The following XKR6 variants were observed in gnomAD, a reference collection of about 807,000 sequenced individuals.
XKR6 encodes XK-related protein 6.
Under a neutral mutation model 56.7 loss-of-function variants are expected in XKR6, and 22 were observed. That is an observed-to-expected ratio of 0.39 (90% CI 0.28 to 0.55). The LOEUF (loss-of-function observed/expected upper bound fraction) is 0.55. Among genes scored for constraint, XKR6 ranks in the 20% least tolerant of loss-of-function variants. The pLI is 0.66. For synonymous variants in XKR6, 524 were observed against 387.8 expected (o/e 1.35, Z -4.13); for missense variants, 852 against 889.0 (o/e 0.96, Z 0.53).
intron 1 of XKR6, among the ~76,000 whole-genome samples, chr8:11,016,184 C>G (rs913372878): frequency 1.3e-5 from 2 of 152,200 alleles, no homozygotes; most frequent in Non-Finnish European, 2.9e-5. Context: ...AGAGGGCGGC[C>G]AGCTGGACTA....
At position 10,898,187 on chromosome 8, in the gene XKR6, T is replaced by C; in HGVS notation, c.1691A>G (p.Gln564Arg). Reference protein sequence around the residue: ...LTADTCLPVFQVRPMGPPTPL... With the variant: ...LTADTCLPVFRVRPMGPPTPL... ...GGTAGGGGGCCCCATGGGTCTCACT[T>C]GGAAAACAGGCAAGCAAGTGTCAGC... The change falls in exon 3 of 3, where the codon CAA becomes CGA. Residue 564 changes from glutamine (Q) to arginine (R), a missense_variant. Gln to Arg is a conservative substitution (Grantham distance 43). This residue lies in a region of XKR6 where 197 missense variants were observed against 190.9 expected (regional missense o/e 1.03). Transcript: ENST00000416569. The surrounding 1 kb of genome is among the most constrained non-coding windows in gnomAD (Gnocchi z 6.6). 2 of 1,614,102 alleles carry C rather than the reference T, an allele frequency of 1.2e-6. No homozygotes were observed. Among genetic ancestry groups the C allele is most frequent in the Non-Finnish European group, 8.5e-7 (1 of 1,180,016 alleles).
chr8:11,165,272 G>GT (rs1802014767), intron 1 of XKR6, among the ~76,000 whole-genome samples: 2 of 151,718 alleles, frequency 1.3e-5, no homozygotes, highest in South Asian at 4.2e-4. Flanking sequence ...GCTAATTTTT[G>GT]TATTTTTAAT....
chr8:10,916,651 G>C (rs1001232921), intron 2 of XKR6, among the ~76,000 whole-genome samples: 4 of 152,172 alleles, frequency 2.6e-5, no homozygotes, highest in African/African-American at 9.6e-5. Flanking sequence ...AGGGATACTT[G>C]GCCAGGGAGA....
At chr8:10,900,156 C>T (rs1446885044) in intron 2 of XKR6, among the ~76,000 whole-genome samples, 2 of 152,040 alleles carry the variant, frequency 1.3e-5, no homozygotes, top group Non-Finnish European at 2.9e-5. Context: ...AAAGCTTTAC[C>T]CTCCCACGGA....
At position 11,201,227 on chromosome 8, in the gene XKR6, C is replaced by T. The variant is rs542248308; in HGVS notation, c.113G>A (p.Gly38Asp). The T allele has an allele frequency of 2.7e-5, 42 of 1,545,248 alleles. No homozygotes were observed. In the African/African-American group the frequency reaches 5.2e-4, roughly 19 times the overall value. Residue 38 changes from glycine to aspartate, a missense_variant, in exon 1 of 3, where the codon GGC (glycine) becomes GAC (aspartate). Around this residue, in one of 4 missense-constraint regions of XKR6, gnomAD observed 417 missense variants for 355.2 expected, o/e 1.17. Coordinates refer to ENST00000416569, the MANE Select transcript of XKR6 (RefSeq NM_173683.4). ...GCTGCCGTCGCCGCCGCCGCCGCAG[C>T]CGCCTCCCCCGGGCTCCCCGTCCTC... ...GEEDGEPGGG[G>D]CGGGGDGSEP...
intron 1 of XKR6, among the ~76,000 whole-genome samples, chr8:10,969,960 C>A (rs1802354023): frequency 6.6e-6 from 1 of 152,232 alleles, no homozygotes; most frequent in South Asian, 2.1e-4. Context: ...TCTACCGAAA[C>A]CCCATGCTGA....
At chr8:11,005,896 C>G (rs1015258036) in intron 1 of XKR6, among the ~76,000 whole-genome samples, 2 of 135,954 alleles carry the variant, frequency 1.5e-5, no homozygotes, top group African/African-American at 5.7e-5. Flanking sequence ...CAGGCTAGAG[C>G]ATAGTGGCAC....
At position 10,972,930 on chromosome 8, in the gene XKR6, C is replaced by T. The variant is rs112316672; in HGVS notation, c.765-48100G>A. Among the ~76,000 whole-genome samples the T allele has an allele frequency of 4.6e-3, 698 of 152,258 alleles. 4 individuals carry two copies. Among genetic ancestry groups the T allele is most frequent in the African/African-American group, 0.016 (670 of 41,552 alleles). ...AAAGAGCTATACCAAGAGTCCTGTG[C>T]ACAGGTTGTAAGGGAAAGCCTGGCC... is the stretch of plus-strand genomic sequence containing the variant. On this transcript the variant is annotated intron_variant, in intron 1 of 2. Coordinates refer to ENST00000416569, the MANE Select transcript of XKR6 (RefSeq NM_173683.4).
chr8:11,169,132 T>C (rs1802235818), intron 1 of XKR6, among the ~76,000 whole-genome samples: 1 of 152,184 alleles, frequency 6.6e-6, no homozygotes, highest in Admixed American at 6.5e-5. Flanking sequence ...ATTCCTTCCC[T>C]GCCCAGTCCA....
chr8:11,182,862 G>T (rs1306452295), intron 1 of XKR6, among the ~76,000 whole-genome samples: 2 of 152,136 alleles, frequency 1.3e-5, no homozygotes, highest in Admixed American at 1.3e-4. Flanking sequence ...CATATTAACA[G>T]TAACTCCACG....
rs1223693870 is a variant in XKR6, at chr8:11,201,088, G to A, written c.252C>T (p.Arg84=). Residue 84 remains arginine, a synonymous_variant, in exon 1 of 3, where the codon CGC becomes CGT. Transcript: ENST00000416569. ...LRSLLGRKPR[R]SAAADGGDQP... is the part of the protein sequence containing the mutation. ...GGTCCCCCCCGTCGGCGGCGGCGCT[G>A]CGGCGCGGCTTCCTGCCCAGGAGGG... 4.3e-6 allele frequency: 6 copies of A among 1,392,694 alleles called. No homozygotes were observed. The East Asian group carries it at 1.2e-4, about 29-fold the overall frequency. 86.3% of individuals were successfully genotyped at this position (1,392,694 alleles called of 1,614,324 possible).
At chr8:11,059,396 C>G (rs1799769429) in intron 1 of XKR6, among the ~76,000 whole-genome samples, 2 of 152,244 alleles carry the variant, frequency 1.3e-5, no homozygotes, top group African/African-American at 4.8e-5. Flanking sequence ...TGGAGCCGGG[C>G]TGGCGCCCGA....
intron 2 of XKR6, among the ~76,000 whole-genome samples, chr8:10,904,057 C>A (rs1002018966): frequency 6.6e-6 from 1 of 152,186 alleles, no homozygotes; most frequent in African/African-American, 2.4e-5. Context: ...GGCCTGGCAG[C>A]CTCCACGGTT....
intron 1 of XKR6, among the ~76,000 whole-genome samples, chr8:11,043,249 G>A (rs559852966): frequency 3.0e-4 from 45 of 152,082 alleles, no homozygotes; most frequent in Non-Finnish European, 4.6e-4. Context: ...CACTCTTAGC[G>A]TGAGCACTCA....
At chr8:11,038,565 C>T (rs1055030923) in intron 1 of XKR6, among the ~76,000 whole-genome samples, 2 of 150,442 alleles carry the variant, frequency 1.3e-5, no homozygotes, top group Non-Finnish European at 3.0e-5. Flanking sequence ...GGCAGGGTCT[C>T]GCTCTGTCGC....
At chr8:10,909,907 C>T (rs1009758485) in intron 2 of XKR6, among the ~76,000 whole-genome samples, 8 of 151,656 alleles carry the variant, frequency 5.3e-5, no homozygotes, top group Non-Finnish European at 1.2e-4. Flanking sequence ...AATTGAGGCT[C>T]AGGGAGGTAA....
chr8:11,193,187 GCA>G (rs1803676511), intron 1 of XKR6, among the ~76,000 whole-genome samples: 1 of 152,184 alleles, frequency 6.6e-6, no homozygotes, highest in Non-Finnish European at 1.5e-5. Context: ...TGAATGATGA[GCA>G]CAGTCCATGC....
intron 1 of XKR6, chr8:11,106,541 A>C (rs116299362): frequency 0.06 from 9,091 of 152,408 alleles, 317 homozygotes; most frequent in South Asian, 0.11. Context: ...CAAACAACTG[A>C]AAGGCTACCT....
chr8:11,082,208 C>T (rs751826139), intron 1 of XKR6, among the ~76,000 whole-genome samples: 9 of 152,276 alleles, frequency 5.9e-5, no homozygotes, highest in Non-Finnish European at 1.0e-4. Flanking sequence ...CCTGTTTGTT[C>T]GGGGGGCATC....
Sources: gnomAD v4.1 joint callset for allele counts (sites outside exome capture counted in the v4.1 genomes callset) on GRCh38, gnomAD v4.1.1 for gene constraint, gnomAD v4.1.1 regional missense constraint, Gnocchi (gnomAD v3.1) non-coding constraint, MANE v1.5 for transcripts, NCBI Gene and HGNC (gene_info 2026-07-23, HGNC 2026-07-21) for gene names.